The following RREB1 variants were observed in gnomAD, a reference collection of about 807,000 sequenced individuals.
RREB1 encodes ras responsive element binding protein 1.
Under a neutral mutation model 117.8 loss-of-function variants are expected in RREB1, and 27 were observed. That is an observed-to-expected ratio of 0.23 (90% CI 0.17 to 0.32). The LOEUF is 0.32. Ranked by LOEUF, RREB1 falls within the 10% of genes least tolerant of loss-of-function variation. RREB1 has a pLI of 1.00. For missense variants in RREB1, 2,577 were observed against 2,378.2 expected (o/e 1.08, Z -1.74); for synonymous variants, 1,298 against 1,026.7 (o/e 1.26, Z -5.05).
intron 8 of RREB1, among the ~76,000 whole-genome samples, chr6:7,223,618 A>T (rs1345276763): frequency 6.6e-6 from 1 of 151,678 alleles, no homozygotes; most frequent in Non-Finnish European, 1.5e-5. Flanking sequence ...CAAGGAAAAA[A>T]ATATATTTTT....
intron 10 of RREB1, among the ~76,000 whole-genome samples, chr6:7,234,291 CT>C (rs1015913824): frequency 2.0e-5 from 3 of 152,174 alleles, no homozygotes; most frequent in African/African-American, 7.2e-5. Context: ...AGAAGTGAGT[CT>C]TTCTGTTACC....
intron 8 of RREB1, among the ~76,000 whole-genome samples, chr6:7,222,631 G>A (rs942214994): frequency 3.3e-5 from 5 of 152,172 alleles, no homozygotes; most frequent in African/African-American, 1.2e-4. Context: ...GAAGAAGACA[G>A]ACACAGGCAT....
intron 1 of RREB1, among the ~76,000 whole-genome samples, chr6:7,172,883 C>T (rs745722807): frequency 2.1e-4 from 32 of 152,206 alleles, no homozygotes; most frequent in South Asian, 1.0e-3. Context: ...GCATGGCCCT[C>T]GTGGAACATT....
chr6:7,147,282 G>A (rs1762911931), intron 1 of RREB1, among the ~76,000 whole-genome samples: 1 of 152,204 alleles, frequency 6.6e-6, no homozygotes, highest in African/African-American at 2.4e-5. Flanking sequence ...AAATGTAGTT[G>A]TTTTTTTCCC....
At chr6:7,238,557 C>T (rs1768490001) in intron 10 of RREB1, among the ~76,000 whole-genome samples, 2 of 152,080 alleles carry the variant, frequency 1.3e-5, no homozygotes, top group African/African-American at 2.4e-5. Context: ...ATTTGGAAGA[C>T]GCACCATGAA....
At chr6:7,188,974 A>G (rs2113553388) in intron 5 of RREB1, among the ~76,000 whole-genome samples, 185 bp from the exon 6 acceptor site, 1 of 152,342 alleles carries the variant, frequency 6.6e-6, no homozygotes, top group East Asian at 1.9e-4. Flanking sequence ...ATATCATACA[A>G]AATATTTATT....
chr6:7,164,303 C>A (rs905785153), intron 1 of RREB1, among the ~76,000 whole-genome samples: 1 of 152,144 alleles, frequency 6.6e-6, no homozygotes, highest in Non-Finnish European at 1.5e-5. Flanking sequence ...CATCTCCTTT[C>A]CCCCACCCGG....
chr6:7,222,435 C>T (rs1312288109), intron 8 of RREB1, among the ~76,000 whole-genome samples: 1 of 152,150 alleles, frequency 6.6e-6, no homozygotes, highest in Admixed American at 6.5e-5. Context: ...TGATCCCCAC[C>T]TGGTGTCTCT....
At chr6:7,108,867 C>A (rs545847380) in intron 1 of RREB1, among the ~76,000 whole-genome samples, 1 of 151,370 alleles carries the variant, frequency 6.6e-6, no homozygotes, top group African/African-American at 2.4e-5. Flanking sequence ...GGGTTCCCGG[C>A]TGGCGGTCGT....
intron 1 of RREB1, among the ~76,000 whole-genome samples, chr6:7,122,185 A>C (rs1017131042): frequency 6.6e-6 from 1 of 152,266 alleles, no homozygotes; most frequent in African/African-American, 2.4e-5. Context: ...ATCAACCCTG[A>C]TGGATATAAC....
Position 7,229,023 on chromosome 6 carries a change from G to A in RREB1, c.924G>A (p.Arg308=), listed in dbSNP as rs1298692879. 2 of 1,536,150 alleles carry A rather than the reference G, an allele frequency of 1.3e-6. No homozygotes were observed. Among genetic ancestry groups the A allele is most frequent in the African/African-American group, 1.4e-5 (1 of 72,544 alleles). The change falls in exon 10 of 13, where the codon AGG becomes AGA. Residue 308 remains arginine, a synonymous_variant. Coordinates refer to ENST00000379938, the MANE Select transcript of RREB1 (RefSeq NM_001003699.4). The surrounding 1 kb of genome is among the most constrained non-coding windows in gnomAD (Gnocchi z 4.5). ...CCTGGTGCGAAACAAACCTGCGGAG[G>A]TGCATCAGCGAGCAACACCGTTTTG... ...SQAWCETNLR[R]CISEQHRFVC... is the part of the protein sequence containing the mutation.
chr6:7,230,849 TCTC>T lies in RREB1; in HGVS notation c.2753_2755del (p.Ser918del), dbSNP rs1252453781. 4 of 1,614,162 alleles carry T rather than the reference TCTC, an allele frequency of 2.5e-6. No homozygotes were observed. Among genetic ancestry groups the T allele is most frequent in the East Asian group, 2.2e-5 (1 of 44,874 alleles). On this transcript the variant is annotated inframe_deletion, in exon 10 of 13. Transcript: ENST00000379938. ...CTGGTCCAAGTGAAGCAGGAAAACA[TCTC>T]CTTTCTGAGCCCTTCTTCCCTGGTC...
At chr6:7,245,512 C>T (rs1017603319) in intron 11 of RREB1, among the ~76,000 whole-genome samples, 2 of 152,238 alleles carry the variant, frequency 1.3e-5, no homozygotes, top group Admixed American at 1.3e-4. Flanking sequence ...CTTCTTTCAA[C>T]CTTAGTAAAG....
intron 1 of RREB1, among the ~76,000 whole-genome samples, chr6:7,117,402 T>TG: frequency 3.2e-5 from 1 of 31,452 alleles, no homozygotes; most frequent in South Asian, 6.6e-4. Context: ...TTTTTTTTTT[T>TG]TTTTTTTTTT....
chr6:7,168,664 C>T (rs1764072385), intron 1 of RREB1, among the ~76,000 whole-genome samples: 1 of 152,186 alleles, frequency 6.6e-6, no homozygotes, highest in African/African-American at 2.4e-5. Context: ...TGAGTGTGCC[C>T]CTCTTCCACA....
intron 6 of RREB1, among the ~76,000 whole-genome samples, chr6:7,206,279 T>C (rs1313492923): frequency 6.6e-6 from 1 of 152,246 alleles, no homozygotes; most frequent in African/African-American, 2.4e-5. Context: ...TGTTTTCGAT[T>C]GAAGTCCCTT....
chr6:7,214,459 C>T (rs1265992143), intron 8 of RREB1: 1 of 152,276 alleles, frequency 6.6e-6, no homozygotes, highest in Admixed American at 6.5e-5. Context: ...CCCTGTGCCT[C>T]TATCTATAAT....
At chr6:7,207,675 T>TG (rs1231023895) in intron 6 of RREB1, among the ~76,000 whole-genome samples, 2 of 152,206 alleles carry the variant, frequency 1.3e-5, no homozygotes, top group East Asian at 3.8e-4. Context: ...GAAGGATACC[T>TG]GTACGCTGGA....
rs372956114 is a variant in RREB1 at position 7,246,426 on chromosome 6, A to C, written c.3976A>C (p.Ser1326Arg). The C allele has an allele frequency of 3.7e-5, 55 of 1,479,698 alleles. No individual in the cohort carries two copies. The African/African-American group carries it at 7.2e-4, about 19-fold the overall frequency. 91.7% of individuals were successfully genotyped at this position (1,479,698 alleles called of 1,614,324 possible). The stretch of plus-strand genomic sequence containing the variant: ...TCCCCGCTGTGCTTGCCCCACAGAC[A>C]GTCAGTCGGATGCGGAGACTGCAGC... ...SDVGSHDSTD[S>R]QSDAETAAAA... Residue 1326 changes from serine to arginine, a missense_variant and splice_region_variant, in exon 12 of 13, where the codon AGT becomes CGT. By Grantham distance (110) the Ser-to-Arg change is moderately radical. Coordinates refer to ENST00000379938, the MANE Select transcript of RREB1 (RefSeq NM_001003699.4).
Sources: gnomAD v4.1 joint callset for allele counts (sites outside exome capture counted in the v4.1 genomes callset) on GRCh38, gnomAD v4.1.1 for gene constraint, Gnocchi (gnomAD v3.1) non-coding constraint, MANE v1.5 for transcripts, NCBI Gene and HGNC (gene_info 2026-07-23, HGNC 2026-07-21) for gene names.